The following FBF1 variants were observed in gnomAD, a reference collection of about 807,000 sequenced individuals.
FBF1 encodes the protein fas-binding factor 1.
Under a neutral mutation model 147.2 loss-of-function variants are expected in FBF1, and 119 were observed. The observed-to-expected ratio is 0.81, with a 90% CI of 0.70 to 0.94. FBF1 has a LOEUF of 0.94. Ranked by LOEUF, FBF1 falls within the 40% of genes least tolerant of loss-of-function variation. FBF1 has a pLI of 0.00. For missense variants in FBF1, 1,449 were observed against 1,500.8 expected, an observed-to-expected ratio of 0.97 and a Z score of 0.57; for synonymous variants, 601 against 609.0, an observed-to-expected ratio of 0.99 and a Z score of 0.19.
Position 75,933,049 on chromosome 17 carries a change from G to T in FBF1, c.113C>A (p.Thr38Asn), listed in dbSNP as rs1471427983. The T allele has an allele frequency of 1.2e-6, 2 of 1,608,254 alleles. No individual in the cohort carries two copies. Among genetic ancestry groups the T allele is most frequent in the Non-Finnish European group, 1.7e-6 (2 of 1,175,260 alleles). The stretch of plus-strand genomic sequence containing the variant: ...CTGAGATACACCTGTGGTGTCTCTG[G>T]TATGTGAAGCTAGTTTAACAGGCTT... ...PEKPVKLASH[T>N]RDTTGVSQMF... Residue 38 changes from threonine (T) to asparagine (N), a missense_variant, in exon 5 of 30, where the codon ACC becomes AAC. Thr to Asn is a moderately conservative substitution (Grantham distance 65). Coordinates refer to ENST00000636174, the MANE Select transcript of FBF1 (RefSeq NM_001319193.2).
At position 75,919,795 on chromosome 17, in the gene FBF1, G is replaced by A. The variant is rs368064872; in HGVS notation, c.2011C>T (p.Arg671Trp). ...LRRENEELSA[R>W]YLSQCQEAEQ... ...GCCTCCTGGCACTGCGACAGATACC[G>A]AGCTGACAGCTCTTCGTTCTCTCTC... Residue 671 changes from arginine (R) to tryptophan (W), a missense_variant, in exon 20 of 30, where the codon CGG becomes TGG. Arg to Trp is a moderately radical substitution (Grantham distance 101). Coordinates refer to ENST00000636174, the MANE Select transcript of FBF1 (RefSeq NM_001319193.2). This position sits in a 1 kb window ranked among gnomAD's most constrained non-coding sequence, Gnocchi z 5.0. The A allele has an allele frequency of 1.9e-5, 31 of 1,613,586 alleles. No individual in the cohort carries two copies. The highest frequency in any genetic ancestry group is 2.5e-5 in the Non-Finnish European group (29 of 1,179,864).
At chr17:75,935,695 C>T in intron 3 of FBF1, 22 bp from the exon 4 acceptor site, 2 of 1,535,990 alleles carry the variant, frequency 1.3e-6, no homozygotes, top group Non-Finnish European at 1.7e-6. Flanking sequence ...AAGGGACTGT[C>T]ATGACTTCAG....
chr17:75,926,312 G>A lies in FBF1; in HGVS notation c.710C>T (p.Ala237Val). 1 of 1,613,414 alleles carries A rather than the reference G, an allele frequency of 6.2e-7. No individual in the cohort carries two copies. The highest frequency in any genetic ancestry group is 8.5e-7 in the Non-Finnish European group (1 of 1,179,722). Residue 237 changes from alanine (A) to valine (V), a missense_variant, in exon 11 of 30, where the codon GCA (alanine) becomes GTA (valine). Transcript: ENST00000636174. Reference sequence around the variant, plus strand: ...CTGGTCTCCTATCTGCCTCTTCTCTGCTTTGGGGCTGTCTCCAAACCCCAA... The same window carrying A: ...CTGGTCTCCTATCTGCCTCTTCTCTACTTTGGGGCTGTCTCCAAACCCCAA... ...ATLGFGDSPK[A>V]EKRQIGDQEG...
At position 75,909,703 on chromosome 17, in the gene FBF1, G is replaced by A. The variant is rs574208432; in HGVS notation, c.*1020C>T. On this transcript the variant is annotated 3_prime_UTR_variant, in exon 30 of 30. Coordinates refer to ENST00000636174, the MANE Select transcript of FBF1 (RefSeq NM_001319193.2). ...CCACCGCAGACCGCAGGTGCTGGAG[G>A]GGAGAGGCACGTGGCCAGAGGCGCC... 39 of 581,356 alleles carry A rather than the reference G, an allele frequency of 6.7e-5. No homozygotes were observed. Among genetic ancestry groups the A allele is most frequent in the African/African-American group, 6.7e-4 (36 of 53,774 alleles). 36.0% of individuals were successfully genotyped at this position (581,356 alleles called of 1,614,324 possible).
At position 75,938,241 on chromosome 17, in the gene FBF1, G is replaced by A; in HGVS notation, c.-83-9C>T. 1 of 1,565,046 alleles carries A rather than the reference G, an allele frequency of 6.4e-7. No homozygotes were observed. The highest frequency in any genetic ancestry group is 2.3e-5 in the East Asian group (1 of 44,268). ...CATCAGGCTCATACTCCCTAATGAAGAAAATTAAAGTGGTTGCTTAAAAAT... is the reference window on the plus strand; with the variant it reads ...CATCAGGCTCATACTCCCTAATGAAAAAAATTAAAGTGGTTGCTTAAAAAT... On this transcript the variant is annotated splice_polypyrimidine_tract_variant and intron_variant, in intron 1 of 29. Coordinates refer to ENST00000636174, the MANE Select transcript of FBF1 (RefSeq NM_001319193.2).
chr17:75,934,862 A>T (rs2065614641), intron 4 of FBF1, among the ~76,000 whole-genome samples: 1 of 150,270 alleles, frequency 6.7e-6, no homozygotes, highest in Non-Finnish European at 1.5e-5. Flanking sequence ...CTGGGCAACA[A>T]GAGTGAAACT....
At position 75,937,415 on chromosome 17, in the gene FBF1, C is replaced by T. The variant is rs2065631773; in HGVS notation, c.31+151G>A. The T allele has an allele frequency of 8.2e-6, 6 of 729,686 alleles. No homozygotes were observed. In the Admixed American group the frequency reaches 1.1e-4, roughly 13 times the overall value. The allele number at this position is 729,686 out of a possible 1,614,324, so 45.2% of individuals were successfully genotyped here. On this transcript the variant is annotated intron_variant, in intron 3 of 29. Coordinates refer to ENST00000636174, the MANE Select transcript of FBF1 (RefSeq NM_001319193.2). ...TCGATCTCCTGACCTCATGATCCAC[C>T]CACCTCGGCCTCCCAAAGCGCTGGG...
At chr17:75,938,035 T>A (rs780865342) in intron 2 of FBF1, 112 bp downstream of exon 2, 2 of 1,508,076 alleles carry the variant, frequency 1.3e-6, no homozygotes, top group Non-Finnish European at 1.8e-6. Flanking sequence ...AGGGTCTCCA[T>A]CCTGGTCCTT....
chr17:75,915,145 G>C lies in FBF1; in HGVS notation c.2506-6C>G, dbSNP rs778652078. 6.2e-7 allele frequency: 1 copy of C among 1,607,390 alleles called. No individual in the cohort carries two copies. The highest frequency in any genetic ancestry group is 8.5e-7 in the Non-Finnish European group (1 of 1,179,136). On this transcript the variant is annotated splice_polypyrimidine_tract_variant and splice_region_variant and intron_variant, in intron 23 of 29. Transcript: ENST00000636174. Reference sequence around the variant, plus strand: ...GCAGTCACCCGCCAGCGTTCCTGTAGGGCCCAGGGCAGGACTGAGAGCGTG... The same window carrying C: ...GCAGTCACCCGCCAGCGTTCCTGTACGGCCCAGGGCAGGACTGAGAGCGTG...
At position 75,922,036 on chromosome 17, in the gene FBF1, T is replaced by C; in HGVS notation, c.1435A>G (p.Thr479Ala). 6.4e-7 allele frequency: 1 copy of C among 1,551,614 alleles called. No individual in the cohort carries two copies. The highest frequency in any genetic ancestry group is 1.2e-5 in the South Asian group (1 of 84,038). Residue 479 changes from threonine to alanine, a missense_variant, in exon 15 of 30, where the codon ACC becomes GCC. Thr to Ala is a moderately conservative substitution (Grantham distance 58, BLOSUM62 0). Transcript: ENST00000636174. The surrounding 1 kb of genome is among the most constrained non-coding windows in gnomAD (Gnocchi z 5.0). ...GCGTGCTCAAGCCCTTGTGTGCTGG[T>C]GAGAGGTTGGCTGAGGAAAGGCAGC... The part of the protein sequence containing the change: ...GHPPSGSQPL[T>A]STQGLEHAAA...
intron 17 of FBF1, 89 bp from the exon 18 acceptor site, chr17:75,920,518 A>C: frequency 7.4e-7 from 1 of 1,354,890 alleles, no homozygotes; most frequent in Non-Finnish European, 1.0e-6. Flanking sequence ...TGCTCACTGG[A>C]CCTCCCTGCA....
Position 75,912,308 on chromosome 17 carries a change from C to T in FBF1, c.3248-1G>A. 6.3e-7 allele frequency: 1 copy of T among 1,582,462 alleles called. No homozygotes were observed. The highest frequency in any genetic ancestry group is 2.3e-5 in the East Asian group (1 of 44,132). The stretch of plus-strand genomic sequence containing the variant: ...GTGGTGGGAGCAGGAGGCATGAGGG[C>T]TGAAAAGGCCAAGGAGGAAGTCAGG... On this transcript the variant is annotated splice_acceptor_variant, in intron 28 of 29. Coordinates refer to ENST00000636174, the MANE Select transcript of FBF1 (RefSeq NM_001319193.2). LOFTEE classifies it high-confidence loss of function.
At chr17:75,920,816 C>T (rs1045695294) in intron 17 of FBF1, among the ~76,000 whole-genome samples, 1 of 143,978 alleles carries the variant, frequency 6.9e-6, no homozygotes, top group African/African-American at 2.7e-5. Flanking sequence ...CACCATCTCC[C>T]AGGGACACAC....
intron 23 of FBF1, among the ~76,000 whole-genome samples, chr17:75,916,250 G>C (rs754227494): frequency 4.0e-5 from 6 of 151,708 alleles, no homozygotes; most frequent in Non-Finnish European, 8.8e-5. Flanking sequence ...AGCCCAGGAG[G>C]TTCAAGCTGC....
At chr17:75,930,186 A>C in intron 6 of FBF1, 139 bp from the exon 7 acceptor site, 1 of 651,978 alleles carries the variant, frequency 1.5e-6, no homozygotes, top group Non-Finnish European at 2.7e-6. Context: ...GAGCTTACAC[A>C]GGAGGGTGGC....
At chr17:75,933,148 C>T in intron 4 of FBF1, 60 bp from the exon 5 acceptor site, 2 of 1,312,668 alleles carry the variant, frequency 1.5e-6, no homozygotes, top group Non-Finnish European at 2.1e-6. Flanking sequence ...AGTCAAGATG[C>T]AAAGGCTGGC....
chr17:75,929,382 G>A (rs1241301578), intron 7 of FBF1, among the ~76,000 whole-genome samples: 1 of 152,112 alleles, frequency 6.6e-6, no homozygotes, highest in Non-Finnish European at 1.5e-5. Context: ...GAGCCCCACA[G>A]GGCTGTAACC....
intron 25 of FBF1, chr17:75,914,516 T>C: frequency 1.1e-6 from 1 of 875,956 alleles, no homozygotes; most frequent in Non-Finnish European, 1.7e-6. Context: ...GGTTTCCTCA[T>C]TTCTAAATGA....
chr17:75,929,964 C>CCCCCCTTTAAAA, intron 7 of FBF1, 33 bp downstream of exon 7: 3 of 1,402,202 alleles, frequency 2.1e-6, no homozygotes, highest in South Asian at 2.5e-5. Context: ...CACCCACCCC[C>CCCCCCTTTAAAA]AGTTCTAAGA....
Sources: gnomAD v4.1 joint callset for allele counts (sites outside exome capture counted in the v4.1 genomes callset) on GRCh38, gnomAD v4.1.1 for gene constraint, Gnocchi (gnomAD v3.1) non-coding constraint, MANE v1.5 for transcripts, NCBI Gene and HGNC (gene_info 2026-07-23, HGNC 2026-07-21) for gene names.